CREBBP: variants seen among roughly 807,000 people sequenced by gnomAD.
CREBBP encodes CREB-binding protein.
Under a neutral mutation model 265.0 loss-of-function variants are expected in CREBBP, and 19 were observed. The ratio of observed to expected loss-of-function variants is 0.07; its 90% CI spans 0.05 to 0.11. CREBBP has a LOEUF of 0.11. Among genes scored for constraint, CREBBP ranks in the 10% least tolerant of loss-of-function variants. CREBBP has a pLI of 1.00. For missense variants in CREBBP, 2,525 were observed against 3,219.0 expected (o/e 0.78, Z 5.22); for synonymous variants, 1,457 against 1,223.7 (o/e 1.19, Z -3.98).
At chr16:3,764,049 A>G (rs2151395887) in intron 16 of CREBBP, among the ~76,000 whole-genome samples, 1 of 152,170 alleles carries the variant, frequency 6.6e-6, no homozygotes, top group South Asian at 2.1e-4. Context: ...AACATCACCA[A>G]ACTCTACTGT....
rs2141233664 is a variant in CREBBP, at chr16:3,778,094, C to T, written c.2030G>A (p.Gly677Asp). The T allele has an allele frequency of 6.2e-7, 1 of 1,614,146 alleles. No individual in the cohort carries two copies. Among genetic ancestry groups the T allele is most frequent in the Non-Finnish European group, 8.5e-7 (1 of 1,180,004 alleles). The change falls in exon 10 of 31, where the codon GGC (glycine) becomes GAC (aspartate). Residue 677 changes from glycine (G) to aspartate (D), a missense_variant. Physicochemically the swap from Gly to Asp is moderately conservative, Grantham distance 94. Around this residue, in one of 19 missense-constraint regions of CREBBP, gnomAD observed 548 missense variants for 533.0 expected, o/e 1.03. Transcript: ENST00000262367. ...TAAGGCTGGCTGGTTCCCCAAGATG[C>T]CTTGTTTATGTAAACGCGACCTCCG... Reference protein sequence around the residue: ...EKRRSRLHKQGILGNQPALPA... With the variant: ...EKRRSRLHKQDILGNQPALPA...
chr16:3,846,904 C>CT (rs779146804), intron 2 of CREBBP, among the ~76,000 whole-genome samples: 2 of 152,204 alleles, frequency 1.3e-5, no homozygotes, highest in Non-Finnish European at 2.9e-5. Context: ...GGTTCTTACT[C>CT]TTAAGAGTAT....
At position 3,774,507 on chromosome 16, in the gene CREBBP, C is replaced by T. The variant is rs1249567493; in HGVS notation, c.2283+62G>A. The stretch of plus-strand genomic sequence containing the variant: ...TTCTCAAGTGACATGAATTCTGCTG[C>T]TTAGATAATGTTCCATGTGAGAGGG... On this transcript the variant is annotated intron_variant, in intron 12 of 30. Transcript: ENST00000262367. 7.5e-6 allele frequency: 12 copies of T among 1,609,060 alleles called. No homozygotes were observed. In the East Asian group the frequency reaches 2.2e-4, roughly 30 times the overall value.
At chr16:3,845,300 A>G (rs2054643665) in intron 2 of CREBBP, among the ~76,000 whole-genome samples, 1 of 152,208 alleles carries the variant, frequency 6.6e-6, no homozygotes, top group South Asian at 2.1e-4. Flanking sequence ...TGTGTGAGAA[A>G]TAACTAGTGA....
At chr16:3,744,847 T>C in intron 23 of CREBBP, 47 bp downstream of exon 23, 2 of 1,409,944 alleles carry the variant, frequency 1.4e-6, no homozygotes, top group South Asian at 1.2e-5. Context: ...TTTCTACAAG[T>C]TTCTAAAATG....
intron 3 of CREBBP, among the ~76,000 whole-genome samples, chr16:3,808,873 C>A (rs1270789259): frequency 1.3e-5 from 2 of 152,122 alleles, no homozygotes; most frequent in Non-Finnish European, 2.9e-5. Context: ...ACTGTCCTTT[C>A]GGTGAGGACT....
At position 3,751,824 on chromosome 16, in the gene CREBBP, A is replaced by G. The variant is rs1309022215; in HGVS notation, c.3699-18T>C. On this transcript the variant is annotated intron_variant, in intron 19 of 30. Transcript: ENST00000262367. ...AATGATACCTGTCAGCAAGAAGGCC[A>G]TACTTGGGTGAACTGGTCCATCATA... 6.2e-7 allele frequency: 1 copy of G among 1,613,592 alleles called. No individual in the cohort carries two copies. The highest frequency in any genetic ancestry group is 8.5e-7 in the Non-Finnish European group (1 of 1,179,584).
At chr16:3,763,009 C>A (rs1025395011) in intron 16 of CREBBP, among the ~76,000 whole-genome samples, 3 of 151,442 alleles carry the variant, frequency 2.0e-5, no homozygotes, top group Non-Finnish European at 4.4e-5. Context: ...CTCCCGACCT[C>A]GTGATCCGCC....
chr16:3,769,051 A>C, intron 15 of CREBBP, 123 bp downstream of exon 15: 1 of 1,146,292 alleles, frequency 8.7e-7, no homozygotes, highest in Non-Finnish European at 1.3e-6. Flanking sequence ...CCCCGAACCC[A>C]CATTCAAACA....
chr16:3,859,384 G>A (rs142759026), intron 1 of CREBBP, among the ~76,000 whole-genome samples: 1 of 152,006 alleles, frequency 6.6e-6, no homozygotes, highest in Non-Finnish European at 1.5e-5. Context: ...AGCAGAGACG[G>A]GGTTTCACCA....
chr16:3,860,457 A>G (rs999284763), intron 1 of CREBBP, among the ~76,000 whole-genome samples: 1 of 152,056 alleles, frequency 6.6e-6, no homozygotes, highest in African/African-American at 2.4e-5. Context: ...GACTCAAGCA[A>G]TCCTCCTGCC....
At chr16:3,750,151 C>A (rs558660598) in intron 20 of CREBBP, among the ~76,000 whole-genome samples, 1 of 152,162 alleles carries the variant, frequency 6.6e-6, no homozygotes, top group Non-Finnish European at 1.5e-5. Flanking sequence ...CAGGTACAAA[C>A]CACCACGCCC....
intron 2 of CREBBP, among the ~76,000 whole-genome samples, chr16:3,847,260 G>C (rs903075358): frequency 3.3e-5 from 5 of 152,174 alleles, no homozygotes; most frequent in African/African-American, 1.2e-4. Context: ...TCTGTAAGGA[G>C]GATGTTGCTC....
intron 23 of CREBBP, chr16:3,743,606 G>A (rs896573965): frequency 6.6e-6 from 1 of 152,226 alleles, no homozygotes; most frequent in African/African-American, 2.4e-5. Flanking sequence ...GTAGGGAGCA[G>A]CTGGCAAGTC....
chr16:3,849,439 G>GA (rs2054760577), intron 2 of CREBBP, among the ~76,000 whole-genome samples: 4 of 17,238 alleles, frequency 2.3e-4, no homozygotes, highest in African/African-American at 4.3e-4. Context: ...GTGTGTGTGT[G>GA]TGTGTGTGTG....
intron 25 of CREBBP, among the ~76,000 whole-genome samples, chr16:3,738,982 A>T (rs547137096): frequency 2.5e-3 from 377 of 152,296 alleles, no homozygotes; most frequent in Non-Finnish European, 4.1e-3. Context: ...TGGTCCAGTT[A>T]TCCTCCCACC....
chr16:3,743,914 A>G (rs1188952919), intron 23 of CREBBP, among the ~76,000 whole-genome samples: 1 of 152,058 alleles, frequency 6.6e-6, no homozygotes, highest in Non-Finnish European at 1.5e-5. Context: ...CGTCTCTACT[A>G]AAAATACAAA....
intron 22 of CREBBP, 109 bp downstream of exon 22, chr16:3,745,168 A>T: frequency 9.1e-7 from 1 of 1,094,688 alleles, no homozygotes; most frequent in South Asian, 1.3e-5. Context: ...CATCTCTCTT[A>T]ATCGCTGAAT....
chr16:3,835,244 A>G (rs1324842911), intron 2 of CREBBP, among the ~76,000 whole-genome samples: 2 of 152,076 alleles, frequency 1.3e-5, no homozygotes, highest in Non-Finnish European at 2.9e-5. Context: ...AGAACAGACT[A>G]GAACAAAGGT....
Sources: gnomAD v4.1 joint callset for allele counts (sites outside exome capture counted in the v4.1 genomes callset) on GRCh38, gnomAD v4.1.1 for gene constraint, gnomAD v4.1.1 regional missense constraint, MANE v1.5 for transcripts, NCBI Gene and HGNC (gene_info 2026-07-23, HGNC 2026-07-21) for gene names.